Variants in IDO2 observed in about 807,000 individuals in gnomAD.
IDO2 encodes indoleamine 2,3-dioxygenase 2.
IDO2 carries 46 observed loss-of-function variants against 45.1 expected under a neutral mutation model. The ratio of observed to expected loss-of-function variants is 1.02; its 90% CI spans 0.80 to 1.30. The LOEUF (loss-of-function observed/expected upper bound fraction) is 1.30, where lower values mean the gene tolerates loss of function less well. Ranked by LOEUF, IDO2 falls within the 50% of genes most tolerant of loss-of-function variation. The pLI, the probability that IDO2 is intolerant of heterozygous loss-of-function variation, is 0.00. For missense variants in IDO2, 544 were observed against 491.8 expected (o/e 1.11, Z -1.00); for synonymous variants, 218 against 184.9 (o/e 1.18, Z -1.45).
intron 8 of IDO2, among the ~76,000 whole-genome samples, chr8:39,994,678 TG>T (rs1802003451): frequency 2.2e-5 from 1 of 46,476 alleles, no homozygotes; most frequent in Non-Finnish European, 6.0e-5. Context: ...TCTGGGAAAT[TG>T]TTCCTACGGT....
rs534988034 is a variant in IDO2 at position 39,989,919 on chromosome 8, A to G, written c.667+81A>G. 3.5e-4 allele frequency: 304 copies of G among 858,228 alleles called. No homozygotes were observed. In the Middle Eastern group the frequency reaches 0.013, roughly 38 times the overall value. The allele number at this position is 858,228 out of a possible 1,614,324, so 53.2% of individuals were successfully genotyped here. A position where few individuals can be genotyped will look rare whatever the true frequency, so the allele number is the denominator to read the frequency against. ...GGGGAAGAGGGCCTGGGGACCAGGC[A>G]TGTCCTGAAGGGGGTGATAATACAT... On this transcript the variant is annotated intron_variant, in intron 8 of 10. Coordinates refer to ENST00000502986, the Ensembl canonical transcript of IDO2.
intron 2 of IDO2, among the ~76,000 whole-genome samples, chr8:39,954,160 A>G (rs1469215011): frequency 6.6e-6 from 1 of 152,230 alleles, no homozygotes; most frequent in Non-Finnish European, 1.5e-5. Flanking sequence ...AGACCAGTGT[A>G]AAAACTCTCC....
exon 11 of IDO2, chr8:40,015,665 G>T: frequency 8.1e-7 from 1 of 1,232,476 alleles, no homozygotes; most frequent in African/African-American, 1.5e-5. Flanking sequence ...TGGAGAATGA[G>T]GGTCAGGGTT....
intron 10 of IDO2, among the ~76,000 whole-genome samples, chr8:40,014,058 G>A (rs1364704287): frequency 6.6e-6 from 1 of 152,122 alleles, no homozygotes; most frequent in African/African-American, 2.4e-5. Flanking sequence ...GGGCCAGCTG[G>A]AAACAGGTCT....
chr8:39,995,031 C>T (rs952922357), intron 8 of IDO2: 2 of 152,132 alleles, frequency 1.3e-5, no homozygotes, highest in Non-Finnish European at 2.9e-5. Flanking sequence ...CTCACTCATG[C>T]AAAAGGTCTG....
intron 10 of IDO2, among the ~76,000 whole-genome samples, chr8:40,014,837 TG>T (rs1802362333): frequency 6.6e-6 from 1 of 152,166 alleles, no homozygotes; most frequent in South Asian, 2.1e-4. Context: ...CAACAGTTTC[TG>T]GTGCATTCTT....
intron 1 of IDO2, among the ~76,000 whole-genome samples, chr8:39,937,536 T>C (rs1226130857): frequency 1.3e-5 from 2 of 151,948 alleles, no homozygotes; most frequent in Non-Finnish European, 2.9e-5. Flanking sequence ...TTTTTTTTTT[T>C]TTGAGACAAG....
chr8:39,972,435 C>G (rs920429954), intron 3 of IDO2, among the ~76,000 whole-genome samples: 3 of 151,518 alleles, frequency 2.0e-5, no homozygotes, highest in African/African-American at 7.3e-5. Context: ...GATGAAATAC[C>G]ACTACCTCTA....
At chr8:39,977,144 A>G (rs1173442374) in intron 3 of IDO2, among the ~76,000 whole-genome samples, 1 of 152,226 alleles carries the variant, frequency 6.6e-6, no homozygotes, top group East Asian at 1.9e-4. Context: ...ATAATACAAA[A>G]TGTATTCTAT....
chr8:39,941,719 G>A (rs7839885), intron 1 of IDO2, among the ~76,000 whole-genome samples: 63,794 of 151,540 alleles, frequency 0.42, 13,551 homozygotes, highest in East Asian at 0.58. Flanking sequence ...GCATGTTTAG[G>A]GATGAAATAG....
chr8:40,013,586 G>A, exon 10 of IDO2: 1 of 1,613,558 alleles, frequency 6.2e-7, no homozygotes, highest in Admixed American at 1.7e-5. Flanking sequence ...ACCCAGCAAT[G>A]CCTGCAGGGC....
chr8:39,988,294 C>T (rs749520263), intron 7 of IDO2, among the ~76,000 whole-genome samples: 2 of 152,134 alleles, frequency 1.3e-5, no homozygotes, highest in Admixed American at 6.5e-5. Flanking sequence ...GATGGATTAA[C>T]GTGGATTACA....
At chr8:39,984,341 A>T (rs1808393633) in intron 5 of IDO2, among the ~76,000 whole-genome samples, 1 of 152,046 alleles carries the variant, frequency 6.6e-6, no homozygotes, top group African/African-American at 2.4e-5. Flanking sequence ...CAGGTGTGGC[A>T]GTGGGTGCCT....
At chr8:39,972,089 C>T (rs550113405) in intron 3 of IDO2, among the ~76,000 whole-genome samples, 210 of 152,138 alleles carry the variant, frequency 1.4e-3, no homozygotes, top group African/African-American at 4.7e-3. Context: ...GGATTACAGG[C>T]GTGGGCCAAC....
At chr8:39,998,861 T>C (rs2129595112) in intron 8 of IDO2, among the ~76,000 whole-genome samples, 1 of 152,096 alleles carries the variant, frequency 6.6e-6, no homozygotes, top group South Asian at 2.1e-4. Context: ...AAGGCTGGTG[T>C]CAAACTCCTG....
intron 9 of IDO2, among the ~76,000 whole-genome samples, chr8:40,007,879 A>G (rs2129595439): frequency 6.6e-6 from 1 of 152,252 alleles, no homozygotes; most frequent in Non-Finnish European, 1.5e-5. Context: ...TCTGGGGAAG[A>G]ATTCCCTTCA....
intron 1 of IDO2, among the ~76,000 whole-genome samples, chr8:39,942,613 C>T (rs1807660759): frequency 6.9e-6 from 1 of 145,158 alleles, no homozygotes; most frequent in Non-Finnish European, 1.5e-5. Flanking sequence ...GCACTCCAGC[C>T]TGGGTGACAG....
chr8:39,998,787 C>G (rs576816214), intron 8 of IDO2, among the ~76,000 whole-genome samples: 5 of 151,488 alleles, frequency 3.3e-5, no homozygotes, highest in South Asian at 4.2e-4. Flanking sequence ...ATTACAGGTG[C>G]ACACCACCAC....
At chr8:39,944,299 C>G (rs1405677106) in intron 1 of IDO2, among the ~76,000 whole-genome samples, 8 of 148,792 alleles carry the variant, frequency 5.4e-5, no homozygotes, top group Non-Finnish European at 1.0e-4. Context: ...GCGTGAACCA[C>G]TACACCCAGC....
Sources: gnomAD v4.1 joint callset for allele counts (sites outside exome capture counted in the v4.1 genomes callset) on GRCh38, gnomAD v4.1.1 for gene constraint, MANE v1.5 for transcripts, NCBI Gene and HGNC (gene_info 2026-07-23, HGNC 2026-07-21) for gene names.